WDR62: variants seen among roughly 807,000 people sequenced by gnomAD.
The protein encoded by WDR62 is WD repeat domain 62, also known as WD repeat-containing protein 62.
In WDR62, 112 loss-of-function variants were observed where a neutral mutation model predicts 160.6. The ratio of observed to expected loss-of-function variants is 0.70; its 90% CI spans 0.60 to 0.82. The LOEUF (loss-of-function observed/expected upper bound fraction) is 0.82. Among genes scored for constraint, WDR62 ranks in the 40% least tolerant of loss-of-function variants. The pLI is 0.00. For synonymous variants in WDR62, 792 were observed against 815.1 expected, an observed-to-expected ratio of 0.97 and a Z score of 0.48; for missense variants, 1,819 against 1,983.8, an observed-to-expected ratio of 0.92 and a Z score of 1.58.
chr19:36,086,886 C>A, intron 13 of WDR62, 74 bp downstream of exon 13: 7 of 1,545,412 alleles, frequency 4.5e-6, no homozygotes, highest in Non-Finnish European at 5.3e-6. Flanking sequence ...TTTCAACTCT[C>A]CTGTAAAATA....
At chr19:36,066,074 C>G in intron 4 of WDR62, 59 bp downstream of exon 4, 2 of 1,601,574 alleles carry the variant, frequency 1.2e-6, no homozygotes, top group Non-Finnish European at 1.7e-6. Context: ...GAAGCCATTC[C>G]TTCTGCTCCC....
In WDR62 at chr19:36,103,909, A is replaced by G. The variant is rs777888319; in HGVS notation, c.4081A>G (p.Ser1361Gly). 6.3e-7 allele frequency: 1 copy of G among 1,599,314 alleles called. No individual in the cohort carries two copies. Among genetic ancestry groups the G allele is most frequent in the Non-Finnish European group, 8.5e-7 (1 of 1,179,906 alleles). Residue 1361 changes from serine to glycine, a missense_variant, in exon 30 of 32, where the codon AGT (serine) becomes GGT (glycine). Ser to Gly is a moderately conservative substitution (Grantham distance 56, BLOSUM62 0). Transcript: ENST00000401500. ...GTCCCCTGGCCTTCCTGCCCACCCC[A>G]GTAACCCCCAGCTTCCAGAGGCCCG... The part of the protein sequence containing the change: ...PESPGLPAHP[S>G]NPQLPEARPG...
In WDR62 at chr19:36,093,887, G is replaced by A. The variant is rs1472071073; in HGVS notation, c.2334-144G>A. ...GTTTCTAGTGGGGAGACGGCATCAA[G>A]TGAGAGACTTGCCAGCACCATCTTG... On this transcript the variant is annotated intron_variant, in intron 19 of 31. Coordinates refer to ENST00000401500, the MANE Select transcript of WDR62 (RefSeq NM_001083961.2). 3 of 976,450 alleles carry A rather than the reference G, an allele frequency of 3.1e-6. No homozygotes were observed. The African/African-American group carries it at 4.8e-5, about 15-fold the overall frequency. The allele number at this position is 976,450 out of a possible 1,614,324, so 60.5% of individuals were successfully genotyped here. A position where few individuals can be genotyped will look rare whatever the true frequency, so the allele number is the denominator to read the frequency against.
At chr19:36,067,479 G>A in intron 6 of WDR62, 36 bp downstream of exon 6, 1 of 1,613,708 alleles carries the variant, frequency 6.2e-7, no homozygotes, top group Non-Finnish European at 8.5e-7. Context: ...GCCAGGCCCT[G>A]AGGGAGTCAC....
chr19:36,104,116 T>A, intron 30 of WDR62, 135 bp downstream of exon 30: 1 of 1,167,526 alleles, frequency 8.6e-7, no homozygotes. Context: ...CTTAAATATT[T>A]AATGAGCATT....
intron 7 of WDR62, among the ~76,000 whole-genome samples, chr19:36,068,503 G>C (rs963786456): frequency 1.3e-5 from 2 of 152,208 alleles, no homozygotes; most frequent in African/African-American, 4.8e-5. Context: ...AGGACCCTGC[G>C]GGCTTCCGCA....
chr19:36,087,851 G>A (rs141662666), intron 13 of WDR62, among the ~76,000 whole-genome samples: 184 of 152,260 alleles, frequency 1.2e-3, no homozygotes, highest in Non-Finnish European at 2.4e-3. Context: ...TAAGCTGGGC[G>A]TGGTGGCCGA....
chr19:36,064,512 C>G (rs1568327191), intron 3 of WDR62, among the ~76,000 whole-genome samples: 2 of 152,132 alleles, frequency 1.3e-5, no homozygotes, highest in South Asian at 4.1e-4. Context: ...ATCTCCTGAC[C>G]TTGTGATCTG....
At chr19:36,102,890 C>G (rs1176676921) in intron 27 of WDR62, 39 bp downstream of exon 27, 1 of 1,614,156 alleles carries the variant, frequency 6.2e-7, no homozygotes, top group Non-Finnish European at 8.5e-7. Flanking sequence ...TCTGGCTCCT[C>G]AACAGTGCCC....
chr19:36,088,453 G>T (rs1268316755), intron 13 of WDR62, among the ~76,000 whole-genome samples: 1 of 152,216 alleles, frequency 6.6e-6, no homozygotes, highest in African/African-American at 2.4e-5. Flanking sequence ...GGCTCAAAGG[G>T]GAGGCCCAGG....
At chr19:36,058,690 T>C (rs1970488246) in intron 1 of WDR62, 90 bp from the exon 2 acceptor site, 12 of 960,222 alleles carry the variant, frequency 1.2e-5, no homozygotes, top group Non-Finnish European at 2.0e-5. Flanking sequence ...GGGTGTTGAA[T>C]GTAGCAGGAC....
rs772432260 is a variant in WDR62 at position 36,092,742 on chromosome 19, A to G, written c.2264A>G (p.His755Arg). ...GPEITNCMKQ[H>R]LLEIDHRQQQ... is the part of the protein sequence containing the mutation. ...GAGATCACCAACTGCATGAAGCAGCACTTGCTGGAGATTGACCACCGGCAG... is the reference window on the plus strand; with the variant it reads ...GAGATCACCAACTGCATGAAGCAGCGCTTGCTGGAGATTGACCACCGGCAG... Residue 755 changes from histidine (H) to arginine (R), a missense_variant, in exon 19 of 32, where the codon CAC becomes CGC. Physicochemically the swap from His to Arg is conservative, Grantham distance 29 (BLOSUM62 0). Transcript: ENST00000401500. The G allele has an allele frequency of 6.2e-7, 1 of 1,614,076 alleles. No individual in the cohort carries two copies. The highest frequency in any genetic ancestry group is 8.5e-7 in the Non-Finnish European group (1 of 1,180,008).
At chr19:36,102,469 C>T in intron 26 of WDR62, 1 of 583,810 alleles carries the variant, frequency 1.7e-6, no homozygotes, top group East Asian at 2.9e-5. Context: ...ACCATGTTGG[C>T]CAGACTGGTC....
At chr19:36,088,969 G>C in intron 13 of WDR62, 69 bp from the exon 14 acceptor site, 3 of 1,558,864 alleles carry the variant, frequency 1.9e-6, no homozygotes, top group Non-Finnish European at 2.6e-6. Flanking sequence ...TTGCAGTGGA[G>C]TTCCCCAGCT....
intron 22 of WDR62, among the ~76,000 whole-genome samples, chr19:36,100,475 C>T (rs1973260080): frequency 6.6e-6 from 1 of 152,190 alleles, no homozygotes; most frequent in Admixed American, 6.5e-5. Context: ...GTGTTCTGAC[C>T]TCTCACCAAG....
At chr19:36,078,294 C>T (rs1403033047) in intron 9 of WDR62, among the ~76,000 whole-genome samples, 2 of 151,536 alleles carry the variant, frequency 1.3e-5, no homozygotes, top group African/African-American at 2.4e-5. Flanking sequence ...ATTACAGGCA[C>T]GCACCACCAT....
Position 36,101,702 on chromosome 19 carries a change from G to A in WDR62, c.3010G>A (p.Ala1004Thr), listed in dbSNP as rs370416793. Residue 1004 changes from alanine to threonine, a missense_variant, in exon 25 of 32, where the codon GCA becomes ACA. Transcript: ENST00000401500. Reference protein sequence around the residue: ...ESEADLECSFAAIHSPAPPPD... With the variant: ...ESEADLECSFTAIHSPAPPPD... Reference sequence around the variant, plus strand: ...AGAGGCCGACCTGGAGTGCAGCTTCGCAGCCATCCACTCCCCAGCTCCGCC... The same window carrying A: ...AGAGGCCGACCTGGAGTGCAGCTTCACAGCCATCCACTCCCCAGCTCCGCC... 1.4e-5 allele frequency: 22 copies of A among 1,550,982 alleles called. No individual in the cohort carries two copies. The highest frequency in any genetic ancestry group is 7.3e-5 in the East Asian group (3 of 40,920).
intron 30 of WDR62, among the ~76,000 whole-genome samples, 183 bp downstream of exon 30, chr19:36,104,164 C>A (rs938663574): frequency 2.6e-5 from 4 of 152,240 alleles, no homozygotes; most frequent in Non-Finnish European, 5.9e-5. Context: ...GGACATGGGA[C>A]ATGGTGGTAA....
At chr19:36,063,665 C>T (rs1970786070) in intron 3 of WDR62, among the ~76,000 whole-genome samples, 3 of 152,170 alleles carry the variant, frequency 2.0e-5, no homozygotes, top group Non-Finnish European at 2.9e-5. Flanking sequence ...CAGGAACAGA[C>T]CAGAAGGGGT....
Sources: allele counts gnomAD v4.1 joint callset (sites outside exome capture counted in the v4.1 genomes callset), GRCh38; gene constraint gnomAD v4.1.1; transcripts MANE v1.5; gene names NCBI Gene and HGNC (gene_info 2026-07-23, HGNC 2026-07-21).